Variants in DEPDC5 observed in about 807,000 individuals in gnomAD.
DEPDC5 encodes DEP domain containing 5, GATOR1 subcomplex subunit.
Under a neutral mutation model 217.3 loss-of-function variants are expected in DEPDC5, and 73 were observed. The ratio of observed to expected loss-of-function variants is 0.34; its 90% CI spans 0.28 to 0.41. The LOEUF (loss-of-function observed/expected upper bound fraction) is 0.41. DEPDC5 is among the 10% of genes least tolerant of loss of function. DEPDC5 has a pLI of 1.00. For synonymous variants in DEPDC5, 733 were observed against 756.7 expected, an observed-to-expected ratio of 0.97 and a Z score of 0.51; for missense variants, 1,675 against 2,070.1, an observed-to-expected ratio of 0.81 and a Z score of 3.70.
At chr22:31,816,175 C>A (rs2089087092) in intron 21 of DEPDC5, among the ~76,000 whole-genome samples, 1 of 151,520 alleles carries the variant, frequency 6.6e-6, no homozygotes, top group Admixed American at 6.6e-5. Context: ...TGGCGGGTGC[C>A]TGTAATCCCA....
intron 38 of DEPDC5, among the ~76,000 whole-genome samples, chr22:31,880,501 C>A (rs1489205706): frequency 6.6e-6 from 1 of 152,228 alleles, no homozygotes; most frequent in African/African-American, 2.4e-5. Flanking sequence ...GAACATAAAC[C>A]AAACTCCAGG....
In DEPDC5 at chr22:31,796,623, G is replaced by A. The variant is rs557575114; in HGVS notation, c.768-977G>A. Among the ~76,000 whole-genome samples, 18 of 152,288 alleles carry A rather than the reference G, an allele frequency of 1.2e-4. No homozygotes were observed. The South Asian group carries it at 3.7e-3, about 32-fold the overall frequency. On this transcript the variant is annotated intron_variant, in intron 12 of 42. Transcript: ENST00000651528. ...TCAAGGCTTTCTATTTGTACAGCCA[G>A]TGTATGCTCCAAAACCATTAAAGTA...
intron 21 of DEPDC5, 98 bp downstream of exon 21, chr22:31,815,310 C>G (rs773144082): frequency 4.7e-6 from 6 of 1,287,436 alleles, no homozygotes; most frequent in Admixed American, 3.8e-5. Context: ...GTGTAAATCC[C>G]ACATCTTAAT....
At chr22:31,889,977 C>T (rs1420141559) in intron 38 of DEPDC5, among the ~76,000 whole-genome samples, 4 of 152,132 alleles carry the variant, frequency 2.6e-5, no homozygotes, top group Non-Finnish European at 5.9e-5. Flanking sequence ...AACCAGTGTC[C>T]ATGGGCGGCA....
chr22:31,811,457 C>T (rs1478795085), intron 20 of DEPDC5, among the ~76,000 whole-genome samples: 1 of 152,068 alleles, frequency 6.6e-6, no homozygotes, highest in Non-Finnish European at 1.5e-5. Flanking sequence ...TTGGACACAG[C>T]GTTTAAGTTT....
At chr22:31,805,329 A>G (rs924279660) in intron 17 of DEPDC5, among the ~76,000 whole-genome samples, 3 of 152,138 alleles carry the variant, frequency 2.0e-5, no homozygotes, top group Admixed American at 6.5e-5. Flanking sequence ...TTTTTGAACT[A>G]TGACACTAAT....
intron 10 of DEPDC5, among the ~76,000 whole-genome samples, chr22:31,790,630 C>A (rs1156922225): frequency 6.6e-6 from 1 of 152,124 alleles, no homozygotes; most frequent in Non-Finnish European, 1.5e-5. Flanking sequence ...AATTAAAAAA[C>A]ACTGTAGGCC....
intron 30 of DEPDC5, among the ~76,000 whole-genome samples, chr22:31,845,563 T>G (rs1269884493): frequency 6.6e-6 from 1 of 152,032 alleles, no homozygotes; most frequent in Non-Finnish European, 1.5e-5. Flanking sequence ...GTAGAAACTC[T>G]CAGGAGGTGA....
chr22:31,826,555 T>A (rs978925454), intron 24 of DEPDC5: 1 of 388,592 alleles, frequency 2.6e-6, no homozygotes, highest in Non-Finnish European at 5.0e-6. Context: ...TGAACTTAGT[T>A]TATTATTCAG....
At chr22:31,779,382 A>G (rs2084195482) in intron 8 of DEPDC5, among the ~76,000 whole-genome samples, 1 of 152,214 alleles carries the variant, frequency 6.6e-6, no homozygotes, top group Non-Finnish European at 1.5e-5. Flanking sequence ...GGTGTCTGAA[A>G]AGTGAGACTT....
intron 10 of DEPDC5, among the ~76,000 whole-genome samples, chr22:31,788,190 A>G (rs1027013680): frequency 1.3e-5 from 2 of 152,062 alleles, no homozygotes; most frequent in African/African-American, 4.8e-5. Flanking sequence ...AAGATGCTCA[A>G]GATCATTAGT....
chr22:31,760,302 T>A (rs1180798717), intron 3 of DEPDC5, among the ~76,000 whole-genome samples: 1 of 151,310 alleles, frequency 6.6e-6, no homozygotes, highest in Non-Finnish European at 1.5e-5. Flanking sequence ...TCTCCTGACC[T>A]CATGATCCGC....
Position 31,785,199 on chromosome 22 carries a change from C to T in DEPDC5, c.624+324C>T, listed in dbSNP as rs1301734798. 4 of 188,560 alleles carry T rather than the reference C, an allele frequency of 2.1e-5. No homozygotes were observed. The East Asian group carries it at 5.1e-4, about 24-fold the overall frequency. The allele number at this position is 188,560 out of a possible 1,614,324, so 11.7% of individuals were successfully genotyped here. A position where few individuals can be genotyped will look rare whatever the true frequency, so the allele number is the denominator to read the frequency against. ...CTAGGCAAGCAAAAGAAATAAAAGGCATCCAAATCGAAAAAGAAGTACAAC... is the reference window on the plus strand; with the variant it reads ...CTAGGCAAGCAAAAGAAATAAAAGGTATCCAAATCGAAAAAGAAGTACAAC... On this transcript the variant is annotated intron_variant, in intron 10 of 42. Coordinates refer to ENST00000651528, the MANE Select transcript of DEPDC5 (RefSeq NM_001242896.3).
rs531919788 is a variant in DEPDC5, at chr22:31,878,948, A to T, written c.3806-577A>T. 1.5e-3 allele frequency among the ~76,000 whole-genome samples: 231 copies of T among 149,462 alleles called. 1 individual carries two copies. Among genetic ancestry groups the T allele is most frequent in the African/African-American group, 5.4e-3 (220 of 40,500 alleles). On this transcript the variant is annotated intron_variant, in intron 37 of 42. Transcript: ENST00000651528. ...AGGCTGAGGTAGGAGAATCACTTGA[A>T]CCTGGGAGGCAGAGGTTGCAGTAAG...
At chr22:31,886,953 T>A (rs1344970670) in intron 38 of DEPDC5, among the ~76,000 whole-genome samples, 1 of 151,366 alleles carries the variant, frequency 6.6e-6, no homozygotes. Flanking sequence ...CGTGGTGGCG[T>A]GTGCCTGTAA....
chr22:31,782,927 T>C (rs1415424407), intron 8 of DEPDC5, among the ~76,000 whole-genome samples: 1 of 152,216 alleles, frequency 6.6e-6, no homozygotes, highest in Non-Finnish European at 1.5e-5. Flanking sequence ...AGTTTGCTTT[T>C]AGAAGTCCCA....
In DEPDC5 at chr22:31,810,501, A is replaced by T. The variant is rs928040789; in HGVS notation, c.1325-20A>T. ...TTTGAAATGTATTTGATGACAATTTATATTATTTGTGTATTTCAGCTCTCG... is the reference window on the plus strand; with the variant it reads ...TTTGAAATGTATTTGATGACAATTTTTATTATTTGTGTATTTCAGCTCTCG... On this transcript the variant is annotated intron_variant, in intron 19 of 42. Transcript: ENST00000651528. 2 of 1,613,436 alleles carry T rather than the reference A, an allele frequency of 1.2e-6. No individual in the cohort carries two copies. The highest frequency in any genetic ancestry group is 2.7e-5 in the African/African-American group (2 of 74,848).
Position 31,872,903 on chromosome 22 carries a change from C to T in DEPDC5, c.3486-352C>T, listed in dbSNP as rs567759398. ...CCAAGTAGCTGAGACAACAGGCGCA[C>T]GTCACCATGCCTGGCTAATTTTTGT... On this transcript the variant is annotated intron_variant, in intron 34 of 42. Coordinates refer to ENST00000651528, the MANE Select transcript of DEPDC5 (RefSeq NM_001242896.3). Among the ~76,000 whole-genome samples the T allele has an allele frequency of 1.2e-4, 19 of 152,098 alleles. No homozygotes were observed. The East Asian group carries it at 3.5e-3, about 28-fold the overall frequency.
chr22:31,861,102 C>G (rs1219348988), intron 32 of DEPDC5, among the ~76,000 whole-genome samples: 1 of 151,620 alleles, frequency 6.6e-6, no homozygotes, highest in Non-Finnish European at 1.5e-5. Flanking sequence ...GATATTCTGC[C>G]CAGGAAGGTG....
Sources: allele counts gnomAD v4.1 joint callset (sites outside exome capture counted in the v4.1 genomes callset), GRCh38; gene constraint gnomAD v4.1.1; transcripts MANE v1.5; gene names NCBI Gene and HGNC (gene_info 2026-07-23, HGNC 2026-07-21).